Variants in DNAH11 observed in about 807,000 individuals in gnomAD.
DNAH11 encodes axonemal beta dynein heavy chain 11.
In DNAH11, 442 loss-of-function variants were observed where a neutral mutation model predicts 526.0. The ratio of observed to expected loss-of-function variants is 0.84; its 90% CI spans 0.78 to 0.91. The LOEUF is 0.91. Ranked by LOEUF, DNAH11 falls within the 40% of genes least tolerant of loss-of-function variation. DNAH11 has a pLI of 0.00. For synonymous variants in DNAH11, 2,461 were observed against 1,935.9 expected, an observed-to-expected ratio of 1.27 and a Z score of -7.12; for missense variants, 6,989 against 5,448.7, an observed-to-expected ratio of 1.28 and a Z score of -8.90.
intron 68 of DNAH11, among the ~76,000 whole-genome samples, chr7:21,860,220 T>A (rs1783005844): frequency 6.6e-6 from 1 of 152,052 alleles, no homozygotes; most frequent in Non-Finnish European, 1.5e-5. Context: ...ACATTAACAA[T>A]TTTTAGGGAG....
In DNAH11 at chr7:21,704,049, A is replaced by G. The variant is rs186423332; in HGVS notation, c.6274-385A>G. Among the ~76,000 whole-genome samples, 506 of 152,348 alleles carry G rather than the reference A, an allele frequency of 3.3e-3. 6 individuals are homozygous for G. The Middle Eastern group carries it at 0.037, about 11-fold the overall frequency. On this transcript the variant is annotated intron_variant, in intron 37 of 81. Transcript: ENST00000409508. ...ACAACAACAAAACTAAAAATGTTTG[A>G]GATTATCATTCTAAGATTCTCAGAG...
intron 75 of DNAH11, among the ~76,000 whole-genome samples, chr7:21,882,158 C>G (rs553378260): frequency 5.5e-4 from 83 of 152,238 alleles, no homozygotes; most frequent in African/African-American, 1.9e-3. Context: ...CAGCTGAATC[C>G]TATACACCAT....
intron 72 of DNAH11, 117 bp downstream of exon 72, chr7:21,868,124 T>A: frequency 1.1e-6 from 1 of 912,492 alleles, no homozygotes; most frequent in Non-Finnish European, 1.5e-6. Flanking sequence ...TTTTTTTAAT[T>A]TGTTGAAGAT....
chr7:21,615,799 T>C (rs1016737956), intron 21 of DNAH11, among the ~76,000 whole-genome samples: 3 of 152,106 alleles, frequency 2.0e-5, no homozygotes, highest in Admixed American at 6.6e-5. Context: ...TAACAAAATA[T>C]AAAATATGGT....
intron 65 of DNAH11, among the ~76,000 whole-genome samples, chr7:21,823,077 C>T (rs1790125002): frequency 6.8e-6 from 1 of 146,726 alleles, no homozygotes. Context: ...TAGGTTGTCT[C>T]TTCACTCCAT....
At chr7:21,638,814 T>G (rs1786987861) in intron 27 of DNAH11, 125 bp from the exon 28 acceptor site, 1 of 1,142,356 alleles carries the variant, frequency 8.8e-7, no homozygotes, top group East Asian at 2.5e-5. Context: ...AAGAAGGAAG[T>G]AAGCTACCTG....
intron 25 of DNAH11, among the ~76,000 whole-genome samples, chr7:21,625,561 C>T (rs978656324): frequency 2.0e-5 from 3 of 151,808 alleles, no homozygotes; most frequent in Non-Finnish European, 4.4e-5. Flanking sequence ...TTAGTTTGTT[C>T]TTCTTTTTCT....
intron 6 of DNAH11, among the ~76,000 whole-genome samples, chr7:21,564,794 T>TA (rs1317587961): frequency 6.6e-6 from 1 of 152,106 alleles, no homozygotes; most frequent in East Asian, 1.9e-4. Context: ...AAGAAAATCC[T>TA]AAAAAAGTAG....
chr7:21,562,049 A>T (rs1013497297), intron 5 of DNAH11, among the ~76,000 whole-genome samples: 1 of 149,708 alleles, frequency 6.7e-6, no homozygotes, highest in Admixed American at 6.6e-5. Context: ...GGGCTCTGTA[A>T]GATCTGAATT....
intron 38 of DNAH11, among the ~76,000 whole-genome samples, chr7:21,705,163 G>A (rs758739027): frequency 6.6e-6 from 1 of 152,170 alleles, no homozygotes; most frequent in South Asian, 2.1e-4. Flanking sequence ...GATTGGCTAT[G>A]TACAGTGTTT....
intron 43 of DNAH11, among the ~76,000 whole-genome samples, chr7:21,719,766 A>G (rs1292526309): frequency 6.6e-6 from 1 of 152,246 alleles, no homozygotes; most frequent in Non-Finnish European, 1.5e-5. Flanking sequence ...AGGCACACAC[A>G]CAGTGCTGAC....
Position 21,675,435 on chromosome 7 carries a change from A to G in DNAH11, c.5329-6111A>G, listed in dbSNP as rs181714969. Among the ~76,000 whole-genome samples, 53 of 152,302 alleles carry G rather than the reference A, an allele frequency of 3.5e-4. 1 individual carries two copies. Among genetic ancestry groups the G allele is most frequent in the Admixed American group, 7.2e-4 (11 of 15,296 alleles). ...TCCTGCTCATTCTTTAGGTCTTAGT[A>G]TACATTCCTCTAAAGTGCCTTTCTA... On this transcript the variant is annotated intron_variant, in intron 30 of 81. Coordinates refer to ENST00000409508, the MANE Select transcript of DNAH11 (RefSeq NM_001277115.2).
intron 54 of DNAH11, among the ~76,000 whole-genome samples, chr7:21,752,840 G>C (rs1786470936): frequency 6.6e-6 from 1 of 152,150 alleles, no homozygotes; most frequent in South Asian, 2.1e-4. Flanking sequence ...AGCCTCCTGA[G>C]TAGCTGGGAT....
In DNAH11 at chr7:21,620,079, G is replaced by A. The variant is rs1168797499; in HGVS notation, c.4500+1G>A. The A allele has an allele frequency of 1.9e-6, 3 of 1,572,864 alleles. No individual in the cohort carries two copies. In the African/African-American group the frequency reaches 4.1e-5, roughly 22 times the overall value. On this transcript the variant is annotated splice_donor_variant, in intron 25 of 81. Coordinates refer to ENST00000409508, the MANE Select transcript of DNAH11 (RefSeq NM_001277115.2). LOFTEE classifies it high-confidence loss of function. ...TTTTGAAACTCTAGAGCACAACCAAGTAAGATGGATATTTTTATTGCATAT... is the reference window on the plus strand; with the variant it reads ...TTTTGAAACTCTAGAGCACAACCAAATAAGATGGATATTTTTATTGCATAT...
Position 21,617,534 on chromosome 7 carries a change from G to A in DNAH11, c.4096-85G>A, listed in dbSNP as rs8180773. ...TCACTCTTTTCTAATCCAGGAGTTG[G>A]GAAATATATGTCAAAGGAGGCAAAT... is the stretch of plus-strand genomic sequence containing the variant. On this transcript the variant is annotated intron_variant, in intron 22 of 81. Coordinates refer to ENST00000409508, the MANE Select transcript of DNAH11 (RefSeq NM_001277115.2). 5.2e-3 allele frequency: 7,697 copies of A among 1,466,586 alleles called. 475 individuals carry two copies. In the East Asian group the frequency reaches 0.14, roughly 27 times the overall value. The allele number at this position is 1,466,586 out of a possible 1,614,324, so 90.8% of individuals were successfully genotyped here.
chr7:21,723,743 C>T (rs1477411852), intron 44 of DNAH11, among the ~76,000 whole-genome samples: 1 of 151,448 alleles, frequency 6.6e-6, no homozygotes, highest in East Asian at 1.9e-4. Context: ...CCCCCACTCC[C>T]CCACCCCTCC....
rs752212501 is a variant in DNAH11 at position 21,717,803 on chromosome 7, C to T, written c.7012C>T (p.Arg2338Trp). 23 of 1,613,578 alleles carry T rather than the reference C, an allele frequency of 1.4e-5. No individual in the cohort carries two copies. Among genetic ancestry groups the T allele is most frequent in the South Asian group, 6.6e-5 (6 of 91,076 alleles). The part of the protein sequence containing the change: ...PYVASWIDRR[R>W]HQSEKANLTI... ...TGTGGCCAGTTGGATAGACAGAAGG[C>T]GGCATCAATCAGAAAAGGCCAATTT... is the stretch of plus-strand genomic sequence containing the variant. The change falls in exon 43 of 82, where the codon CGG (arginine) becomes TGG (tryptophan). Residue 2338 changes from arginine to tryptophan, a missense_variant. Transcript: ENST00000409508.
chr7:21,875,378 T>C (rs1052433789), intron 74 of DNAH11, among the ~76,000 whole-genome samples: 3 of 152,242 alleles, frequency 2.0e-5, no homozygotes, highest in Non-Finnish European at 2.9e-5. Flanking sequence ...TGAACAAATA[T>C]GCTTCAGCCC....
intron 54 of DNAH11, among the ~76,000 whole-genome samples, chr7:21,758,940 C>G (rs917425610): frequency 2.0e-5 from 3 of 152,194 alleles, no homozygotes; most frequent in African/African-American, 4.8e-5. Flanking sequence ...CAGAGCAGCG[C>G]TGATCAGAAG....
Sources: allele counts gnomAD v4.1 joint callset (sites outside exome capture counted in the v4.1 genomes callset), GRCh38; gene constraint gnomAD v4.1.1; transcripts MANE v1.5; gene names NCBI Gene and HGNC (gene_info 2026-07-23, HGNC 2026-07-21).